Variants in ICA1 observed in about 807,000 individuals in gnomAD.
ICA1 encodes the protein islet cell autoantigen 1.
Under a neutral mutation model 71.0 loss-of-function variants are expected in ICA1, and 40 were observed. The ratio of observed to expected loss-of-function variants is 0.56; its 90% CI spans 0.44 to 0.73. ICA1 has a LOEUF of 0.73. ICA1 is among the 30% of genes least tolerant of loss of function. The pLI is 0.00. For missense variants in ICA1, 578 were observed against 576.5 expected (o/e 1.00, Z -0.03); for synonymous variants, 207 against 209.5 (o/e 0.99, Z 0.10).
At chr7:8,152,922 CCCACCACTACCACCATCACCTCTT>C (rs1366335167) in intron 8 of ICA1, among the ~76,000 whole-genome samples, 7 of 149,654 alleles carry the variant, frequency 4.7e-5, no homozygotes, top group African/African-American at 1.7e-4. Context: ...CACCACTACC[CCCACCACTACCACCATCACCTCTT>C]CCACCACTAC....
chr7:8,184,392 A>C (rs963122991), intron 6 of ICA1, among the ~76,000 whole-genome samples: 2 of 152,206 alleles, frequency 1.3e-5, no homozygotes, highest in Non-Finnish European at 2.9e-5. Flanking sequence ...AATAAGACGC[A>C]ATGTGCTCAA....
chr7:8,232,595 G>C lies in ICA1; in HGVS notation c.178C>G (p.Leu60Val), dbSNP rs948700129. 2.5e-6 allele frequency: 4 copies of C among 1,609,914 alleles called. No homozygotes were observed. Among genetic ancestry groups the C allele is most frequent in the East Asian group, 2.2e-5 (1 of 44,728 alleles). ...GACAGCAATAAAGAGCTCACCTCTA[G>C]CTTGGCATCCAGGTCCGCGTCAGAG... is the stretch of plus-strand genomic sequence containing the variant. The part of the protein sequence containing the change: ...VASDADLDAK[L>V]ELFHSIQRTC... The change falls in exon 3 of 14, where the codon CTA (leucine) becomes GTA (valine). Residue 60 changes from leucine to valine, a missense_variant. Transcript: ENST00000402384.
chr7:8,169,701 TA>T (rs1251285589), intron 6 of ICA1, among the ~76,000 whole-genome samples: 2 of 152,136 alleles, frequency 1.3e-5, no homozygotes, highest in African/African-American at 2.4e-5. Flanking sequence ...TTTATCTTTT[TA>T]TTACTGAATT....
chr7:8,248,381 C>T (rs1365391352), intron 1 of ICA1, among the ~76,000 whole-genome samples: 4 of 152,112 alleles, frequency 2.6e-5, no homozygotes, highest in African/African-American at 9.7e-5. Flanking sequence ...TACCTTAGAG[C>T]TCTTCAGTTC....
In ICA1 at chr7:8,138,990, C is replaced by T; in HGVS notation, c.1013G>A (p.Cys338Tyr). 1 of 1,612,442 alleles carries T rather than the reference C, an allele frequency of 6.2e-7. No individual in the cohort carries two copies. The highest frequency in any genetic ancestry group is 8.5e-7 in the Non-Finnish European group (1 of 1,178,580). ...TTTTCCTTAATCTAGGTTACCTGAG[C>T]ATGCAGTATGTGTAGAGCCTTTGTC... ...ALDKGSTHTA[C>Y]SGPIDELLDM... Residue 338 changes from cysteine (C) to tyrosine (Y), a missense_variant, in exon 11 of 14, where the codon TGC becomes TAC. Cys to Tyr is a radical substitution (Grantham distance 194). Coordinates refer to ENST00000402384, the MANE Select transcript of ICA1 (RefSeq NM_001136020.3).
At chr7:8,136,551 G>A (rs748253886) in intron 12 of ICA1, among the ~76,000 whole-genome samples, 8 of 152,144 alleles carry the variant, frequency 5.3e-5, no homozygotes, top group South Asian at 2.1e-4. Flanking sequence ...TTAAGCCGAC[G>A]CTACCCTGTG....
At chr7:8,252,003 C>T (rs776078834) in intron 1 of ICA1, among the ~76,000 whole-genome samples, 2 of 151,930 alleles carry the variant, frequency 1.3e-5, no homozygotes, top group Non-Finnish European at 2.9e-5. Context: ...TATTTGCAAA[C>T]CACAAACCTA....
chr7:8,232,967 T>C (rs1050551957), intron 2 of ICA1, among the ~76,000 whole-genome samples: 7 of 152,170 alleles, frequency 4.6e-5, no homozygotes, highest in Non-Finnish European at 8.8e-5. Context: ...GTGGAGAAAT[T>C]TAGAATCTTT....
intron 7 of ICA1, 30 bp from the exon 8 acceptor site, chr7:8,157,244 G>A (rs377765945): frequency 3.6e-5 from 56 of 1,563,230 alleles, no homozygotes; most frequent in Middle Eastern, 2.3e-4. Flanking sequence ...AGCTATTAAT[G>A]TTTTGAATGC....
chr7:8,174,192 A>G (rs909545320), intron 6 of ICA1, among the ~76,000 whole-genome samples: 8 of 152,156 alleles, frequency 5.3e-5, no homozygotes, highest in African/African-American at 1.9e-4. Flanking sequence ...AAATGTGGTC[A>G]GTCTCTTTAA....
chr7:8,119,583 C>T (rs775622716), intron 13 of ICA1, among the ~76,000 whole-genome samples: 3 of 152,184 alleles, frequency 2.0e-5, no homozygotes, highest in Admixed American at 6.5e-5. Context: ...TGGTGGCTCA[C>T]GTCTGTAATC....
rs568806407 is a variant in ICA1 at position 8,188,765 on chromosome 7, C to T, written c.579+29540G>A. 1.3e-5 allele frequency among the ~76,000 whole-genome samples: 2 copies of T among 152,240 alleles called. 1 individual carries two copies. Among genetic ancestry groups the T allele is most frequent in the South Asian group, 4.1e-4 (2 of 4,822 alleles). On this transcript the variant is annotated intron_variant, in intron 6 of 13. Coordinates refer to ENST00000402384, the MANE Select transcript of ICA1 (RefSeq NM_001136020.3). ...GGCCCCAAGGAGAGCAAGAGAGAAC[C>T]TTTTTTGGCCATGGCTCCCTAGGGC...
intron 9 of ICA1, among the ~76,000 whole-genome samples, chr7:8,142,443 T>C (rs1294797526): frequency 6.6e-6 from 1 of 152,244 alleles, no homozygotes; most frequent in Non-Finnish European, 1.5e-5. Context: ...CTTTGTGAGC[T>C]TTCAAAAATG....
At chr7:8,197,601 T>TAAC (rs1788149127) in intron 6 of ICA1, among the ~76,000 whole-genome samples, 1 of 139,540 alleles carries the variant, frequency 7.2e-6, no homozygotes, top group Non-Finnish European at 1.6e-5. Context: ...ATAATAATAA[T>TAAC]AATAATAATA....
intron 8 of ICA1, among the ~76,000 whole-genome samples, chr7:8,150,830 C>T (rs1225071636): frequency 8.5e-5 from 13 of 152,198 alleles, no homozygotes; most frequent in Admixed American, 7.9e-4. Flanking sequence ...TCTGCTTTCT[C>T]CTCCTCCCTT....
At chr7:8,154,455 C>T (rs1405856427) in intron 8 of ICA1, among the ~76,000 whole-genome samples, 1 of 152,260 alleles carries the variant, frequency 6.6e-6, no homozygotes, top group Middle Eastern at 3.4e-3. Flanking sequence ...GGCACAATTA[C>T]CAACACACTC....
At chr7:8,157,946 TC>T (rs1233080668) in intron 7 of ICA1, among the ~76,000 whole-genome samples, 2 of 152,136 alleles carry the variant, frequency 1.3e-5, no homozygotes, top group Non-Finnish European at 2.9e-5. Flanking sequence ...TGCCTCGGCC[TC>T]CCAAAGTGCT....
At position 8,161,078 on chromosome 7, in the gene ICA1, G is replaced by A. The variant is rs1310510657; in HGVS notation, c.580-2426C>T. Among the ~76,000 whole-genome samples, 4 of 152,120 alleles carry A rather than the reference G, an allele frequency of 2.6e-5. 1 individual carries two copies. The highest frequency in any genetic ancestry group is 9.7e-5 in the African/African-American group (4 of 41,398). ...TACAAAGGGGAAGAAAATACACGTG[G>A]GAGTCGGAGCTTTCAAGTATGTATT... On this transcript the variant is annotated intron_variant, in intron 6 of 13. Transcript: ENST00000402384.
In ICA1 at chr7:8,222,279, T is replaced by TG; in HGVS notation, c.257-882dup. Among the ~76,000 whole-genome samples the TG allele has an allele frequency of 6.6e-6, 1 of 152,272 alleles. No individual in the cohort carries two copies. The highest frequency in any genetic ancestry group is 1.9e-4 in the East Asian group (1 of 5,186). Reference sequence around the variant, plus strand: ...ACAGCATACCCACATAATGGTACAGTGGGGGTCCTGAACACACACCAGCAG... The same window carrying TG: ...ACAGCATACCCACATAATGGTACAGTGGGGGGTCCTGAACACACACCAGCAG... On this transcript the variant is annotated intron_variant, in intron 4 of 13. Coordinates refer to ENST00000402384, the MANE Select transcript of ICA1 (RefSeq NM_001136020.3). The surrounding 1 kb of genome is among the most constrained non-coding windows in gnomAD (Gnocchi z 4.8).
Sources: gnomAD v4.1 joint callset for allele counts (sites outside exome capture counted in the v4.1 genomes callset) on GRCh38, gnomAD v4.1.1 for gene constraint, Gnocchi (gnomAD v3.1) non-coding constraint, MANE v1.5 for transcripts, NCBI Gene and HGNC (gene_info 2026-07-23, HGNC 2026-07-21) for gene names.